Variants in FRYL observed in about 807,000 individuals in gnomAD.
FRYL encodes FRY like transcription coactivator, also known as protein furry homolog-like.
In FRYL, 150 loss-of-function variants were observed where a neutral mutation model predicts 351.2. That is an observed-to-expected ratio of 0.43 (90% CI 0.37 to 0.49). The LOEUF is 0.49. Ranked by LOEUF, FRYL falls within the 20% of genes least tolerant of loss-of-function variation. FRYL has a pLI of 0.00. For missense variants in FRYL, 3,036 were observed against 3,619.3 expected (o/e 0.84, Z 4.13); for synonymous variants, 1,153 against 1,257.1 (o/e 0.92, Z 1.75).
chr4:48,616,967 C>G (rs1271519715), intron 7 of FRYL, among the ~76,000 whole-genome samples: 1 of 152,158 alleles, frequency 6.6e-6, no homozygotes, highest in African/African-American at 2.4e-5. Context: ...TCAGCAAGCT[C>G]TATTGATTTT....
At chr4:48,679,559 G>A (rs961206426) in intron 3 of FRYL, among the ~76,000 whole-genome samples, 33 of 151,896 alleles carry the variant, frequency 2.2e-4, no homozygotes, top group Admixed American at 1.8e-3. Flanking sequence ...GGGGGAATAG[G>A]GAGAGATTTG....
At chr4:48,713,061 G>C (rs1378066210) in intron 1 of FRYL, among the ~76,000 whole-genome samples, 2 of 151,930 alleles carry the variant, frequency 1.3e-5, no homozygotes, top group Non-Finnish European at 2.9e-5. Flanking sequence ...GCCTGCCCTA[G>C]AAGAGCTCCT....
chr4:48,603,547 A>G (rs758076504), intron 11 of FRYL, among the ~76,000 whole-genome samples, 159 bp from the exon 12 acceptor site: 3 of 152,230 alleles, frequency 2.0e-5, no homozygotes, highest in East Asian at 1.9e-4. Context: ...TGTTAAGTAC[A>G]TAAGATAAAC....
intron 55 of FRYL, among the ~76,000 whole-genome samples, chr4:48,517,703 C>T (rs1480063064): frequency 1.3e-5 from 2 of 152,186 alleles, no homozygotes; most frequent in Non-Finnish European, 2.9e-5. Context: ...GTGTATATTA[C>T]AGAGAAGAAA....
intron 62 of FRYL, 76 bp downstream of exon 62, chr4:48,501,546 AT>A (rs1719660209): frequency 1.2e-6 from 1 of 815,404 alleles, no homozygotes; most frequent in African/African-American, 1.7e-5. Flanking sequence ...GACTTAAGCT[AT>A]TTTAACAAGT....
At chr4:48,649,016 CT>C (rs1294546450) in intron 3 of FRYL, among the ~76,000 whole-genome samples, 1 of 152,106 alleles carries the variant, frequency 6.6e-6, no homozygotes, top group Non-Finnish European at 1.5e-5. Flanking sequence ...TAATATTCCT[CT>C]TGAGATTTTC....
intron 49 of FRYL, among the ~76,000 whole-genome samples, chr4:48,532,700 T>A (rs192350990): frequency 1.1e-4 from 17 of 152,222 alleles, no homozygotes; most frequent in African/African-American, 2.6e-4. Flanking sequence ...AACAAAATCA[T>A]GACTAAGTAG....
In FRYL at chr4:48,548,820, G is replaced by A. The variant is rs201329225; in HGVS notation, c.4785-27C>T. On this transcript the variant is annotated intron_variant, in intron 39 of 63. Transcript: ENST00000358350. Reference sequence around the variant, plus strand: ...TATGACAAATAAGAGTTTCATTAACGTTTTACTAGATCTCAGTAAACCTAG... The same window carrying A: ...TATGACAAATAAGAGTTTCATTAACATTTTACTAGATCTCAGTAAACCTAG... 1.2e-4 allele frequency: 156 copies of A among 1,307,490 alleles called. 1 individual carries two copies. In the East Asian group the frequency reaches 2.7e-3, roughly 22 times the overall value. 81.0% of individuals were successfully genotyped at this position (1,307,490 alleles called of 1,614,324 possible).
At chr4:48,771,705 A>G (rs1775526634) in intron 1 of FRYL, among the ~76,000 whole-genome samples, 1 of 152,212 alleles carries the variant, frequency 6.6e-6, no homozygotes, top group African/African-American at 2.4e-5. Context: ...TCCTCTAAGC[A>G]GTAAAAAACA....
intron 3 of FRYL, among the ~76,000 whole-genome samples, chr4:48,661,224 GACTTCT>G (rs745652038): frequency 6.6e-5 from 10 of 152,138 alleles, no homozygotes; most frequent in Non-Finnish European, 1.5e-4. Context: ...TCATTTTCAA[GACTTCT>G]ACTTCTAGCC....
At chr4:48,638,101 A>G (rs957117764) in intron 3 of FRYL, 4 of 152,056 alleles carry the variant, frequency 2.6e-5, no homozygotes, top group Non-Finnish European at 5.9e-5. Context: ...AAGTCTGTGG[A>G]AGCTGCCTCT....
chr4:48,627,239 T>TG (rs915054294), intron 4 of FRYL, among the ~76,000 whole-genome samples: 2 of 152,152 alleles, frequency 1.3e-5, no homozygotes, highest in African/African-American at 4.8e-5. Flanking sequence ...TGTCTAAGAC[T>TG]GGGGGTGGGG....
chr4:48,716,978 T>C lies in FRYL; in HGVS notation c.-383-6280A>G, dbSNP rs1168200917. Among the ~76,000 whole-genome samples, 2 of 150,962 alleles carry C rather than the reference T, an allele frequency of 1.3e-5. 1 individual carries two copies. The highest frequency in any genetic ancestry group is 3.0e-5 in the Non-Finnish European group (2 of 67,644). ...TGAGTTCATGTCCTTTGTAGGGACA[T>C]GGATGAAATTGGAAATCATCATTCT... On this transcript the variant is annotated intron_variant, in intron 1 of 63. Coordinates refer to ENST00000358350, the MANE Select transcript of FRYL (RefSeq NM_015030.2).
intron 2 of FRYL, among the ~76,000 whole-genome samples, chr4:48,694,847 G>T (rs1014644662): frequency 1.6e-4 from 25 of 152,094 alleles, no homozygotes; most frequent in African/African-American, 6.0e-4. Context: ...CAACGCAGGG[G>T]GATCACTTGA....
chr4:48,702,686 G>A (rs1212215577), intron 2 of FRYL, among the ~76,000 whole-genome samples: 8 of 148,912 alleles, frequency 5.4e-5, no homozygotes, highest in East Asian at 2.0e-4. Context: ...GTGTGAATCC[G>A]GGAGGCGGAG....
chr4:48,575,328 G>A, intron 24 of FRYL, 87 bp from the exon 25 acceptor site: 1 of 1,377,924 alleles, frequency 7.3e-7, no homozygotes. Flanking sequence ...CTTATGTCAA[G>A]GATAAATGGA....
At position 48,499,412 on chromosome 4, in the gene FRYL, C is replaced by T; in HGVS notation, c.*10G>A. The T allele has an allele frequency of 6.2e-7, 1 of 1,613,294 alleles. No homozygotes were observed. The highest frequency in any genetic ancestry group is 8.5e-7 in the Non-Finnish European group (1 of 1,179,328). On this transcript the variant is annotated 3_prime_UTR_variant, in exon 64 of 64. Coordinates refer to ENST00000358350, the MANE Select transcript of FRYL (RefSeq NM_015030.2). ...TCAGTTTAGTTTCTTTCCTAAAGGC[C>T]TGAAGTGTCTCAGAATCCAGTGCTC...
In FRYL at chr4:48,543,794, T is replaced by C. The variant is rs1319106798; in HGVS notation, c.5592+13A>G. On this transcript the variant is annotated intron_variant, in intron 44 of 63. Coordinates refer to ENST00000358350, the MANE Select transcript of FRYL (RefSeq NM_015030.2). ...AGCTGCTCAATAACTGCTGAAAGAA[T>C]ATAAGGAAATACCTGTGCATCTTCT... 1.2e-6 allele frequency: 2 copies of C among 1,607,990 alleles called. No homozygotes were observed. Among genetic ancestry groups the C allele is most frequent in the Non-Finnish European group, 1.7e-6 (2 of 1,176,530 alleles).
chr4:48,620,156 A>C (rs1467954258), intron 6 of FRYL, among the ~76,000 whole-genome samples: 1 of 152,222 alleles, frequency 6.6e-6, no homozygotes, highest in Non-Finnish European at 1.5e-5. Flanking sequence ...TCTTACATGC[A>C]TGACAAGATC....
Sources: allele counts gnomAD v4.1 joint callset (sites outside exome capture counted in the v4.1 genomes callset), GRCh38; gene constraint gnomAD v4.1.1; transcripts MANE v1.5; gene names NCBI Gene and HGNC (gene_info 2026-07-23, HGNC 2026-07-21).